PPP3R1: variants seen among roughly 807,000 people sequenced by gnomAD.
The protein encoded by PPP3R1 is protein phosphatase 3 regulatory subunit B, alpha.
Under a neutral mutation model 22.6 loss-of-function variants are expected in PPP3R1, and 5 were observed. That is an observed-to-expected ratio of 0.22 (90% CI 0.12 to 0.46). The LOEUF is 0.46. PPP3R1 is among the 20% of genes least tolerant of loss of function. The pLI, the probability that PPP3R1 is intolerant of heterozygous loss-of-function variation, is 0.99. For synonymous variants in PPP3R1, 56 were observed against 65.2 expected, an observed-to-expected ratio of 0.86 and a Z score of 0.68; for missense variants, 61 against 203.2, an observed-to-expected ratio of 0.30 and a Z score of 4.25.
chr2:68,188,233 T>C lies in PPP3R1; in HGVS notation c.220+281A>G, dbSNP rs544858095. ...CTAATGTATATAAGAATATACAGTA[T>C]TGCCCTAAAGTGAGATTAATTTTCT... On this transcript the variant is annotated intron_variant, in intron 3 of 5. Transcript: ENST00000234310. Among the ~76,000 whole-genome samples the C allele has an allele frequency of 6.6e-5, 10 of 152,264 alleles. No homozygotes were observed. In the South Asian group the frequency reaches 1.2e-3, roughly 19 times the overall value.
intron 2 of PPP3R1, among the ~76,000 whole-genome samples, chr2:68,206,535 CG>C (rs1457224520): frequency 6.6e-6 from 1 of 152,130 alleles, no homozygotes; most frequent in Non-Finnish European, 1.5e-5. Context: ...CTGATGATGT[CG>C]GTAACATATA....
intron 5 of PPP3R1, among the ~76,000 whole-genome samples, chr2:68,183,530 T>C (rs964765961): frequency 1.5e-4 from 23 of 152,188 alleles, no homozygotes; most frequent in Non-Finnish European, 7.3e-5. Flanking sequence ...TTTTTGATTA[T>C]TTATTTCCCT....
rs530343054 is a variant in PPP3R1 at position 68,248,092 on chromosome 2, C to A, written c.3+4033G>T. Among the ~76,000 whole-genome samples the A allele has an allele frequency of 1.2e-3, 184 of 152,234 alleles. 1 individual carries two copies. Among genetic ancestry groups the A allele is most frequent in the African/African-American group, 3.3e-3 (136 of 41,534 alleles). ...AGTGTCAATCCACCAGACACTACCC[C>A]CTTCCTCTCCAGCCACGCTAAACTA... On this transcript the variant is annotated intron_variant, in intron 1 of 5. Transcript: ENST00000234310.
chr2:68,192,584 A>G (rs1423610722), intron 2 of PPP3R1, among the ~76,000 whole-genome samples: 1 of 152,150 alleles, frequency 6.6e-6, no homozygotes, highest in Non-Finnish European at 1.5e-5. Flanking sequence ...AACTCCTCCA[A>G]TCAAGAAGAT....
At chr2:68,210,432 A>G (rs528345851) in intron 2 of PPP3R1, among the ~76,000 whole-genome samples, 2 of 152,344 alleles carry the variant, frequency 1.3e-5, no homozygotes, top group East Asian at 3.9e-4. Context: ...TTGGTCTACC[A>G]AAGTTCTGCC....
At chr2:68,210,179 ATCTATTGGCC>A (rs1210891724) in intron 2 of PPP3R1, among the ~76,000 whole-genome samples, 1 of 152,182 alleles carries the variant, frequency 6.6e-6, no homozygotes, top group African/African-American at 2.4e-5. Flanking sequence ...TCATATCTTA[ATCTATTGGCC>A]TCTATTCCAA....
rs34252774 is a variant in PPP3R1, at chr2:68,186,141, ACT to A, written c.465+325_465+326del. ...ATCCTTGTAACACATCAAAAAGCCTACTCTCTGTTTTTAGGGCATAAGTAGAG... is the reference window on the plus strand; with the variant it reads ...ATCCTTGTAACACATCAAAAAGCCTACTCTGTTTTTAGGGCATAAGTAGAG... On this transcript the variant is annotated intron_variant, in intron 5 of 5. Transcript: ENST00000234310. Among the ~76,000 whole-genome samples the A allele has an allele frequency of 3.9e-4, 60 of 152,080 alleles. 1 individual carries two copies. In the East Asian group the frequency reaches 0.01, roughly 26 times the overall value.
chr2:68,207,325 G>C (rs1315565577), intron 2 of PPP3R1, among the ~76,000 whole-genome samples: 1 of 151,788 alleles, frequency 6.6e-6, no homozygotes, highest in Admixed American at 6.6e-5. Context: ...GCTGAACAAT[G>C]ACAAGTATAG....
chr2:68,229,965 T>TACACACAGACACACACACACAC (rs1157191768), intron 1 of PPP3R1, among the ~76,000 whole-genome samples: 1 of 49,494 alleles, frequency 2.0e-5, no homozygotes, highest in African/African-American at 1.1e-4. Flanking sequence ...TGTGTATATA[T>TACACACAGACACACACACACAC]ACACACATAC....
At chr2:68,198,435 G>A (rs1196518405) in intron 2 of PPP3R1, among the ~76,000 whole-genome samples, 3 of 74,944 alleles carry the variant, frequency 4.0e-5, no homozygotes, top group Non-Finnish European at 8.3e-5. Flanking sequence ...GTATATATGC[G>A]TGTGTATATA....
At chr2:68,199,028 A>G (rs992528970) in intron 2 of PPP3R1, among the ~76,000 whole-genome samples, 1 of 152,134 alleles carries the variant, frequency 6.6e-6, no homozygotes, top group Non-Finnish European at 1.5e-5. Flanking sequence ...CAGTGGCACG[A>G]TCTTGGCTCA....
chr2:68,238,841 C>T (rs745404728), intron 1 of PPP3R1, among the ~76,000 whole-genome samples: 4 of 151,888 alleles, frequency 2.6e-5, no homozygotes, highest in Non-Finnish European at 5.9e-5. Context: ...TATTTATGTC[C>T]CTGAAAAAAA....
chr2:68,204,620 T>A (rs1191155930), intron 2 of PPP3R1, among the ~76,000 whole-genome samples: 3 of 152,130 alleles, frequency 2.0e-5, no homozygotes, highest in Non-Finnish European at 4.4e-5. Context: ...ATTGTGCCCC[T>A]CTCCTGAGGC....
At position 68,180,879 on chromosome 2, in the gene PPP3R1, C is replaced by G; in HGVS notation, c.*84G>C. The G allele has an allele frequency of 8.8e-6, 12 of 1,356,214 alleles. No homozygotes were observed. The highest frequency in any genetic ancestry group is 2.4e-5 in the South Asian group (2 of 81,686). The allele number at this position is 1,356,214 out of a possible 1,614,324, so 84.0% of individuals were successfully genotyped here. ...AGAAAAATACTTCCATTTAAATACA[C>G]AGAGAGCATTGCTGGACGTCTTGAG... On this transcript the variant is annotated 3_prime_UTR_variant, in exon 6 of 6. Coordinates refer to ENST00000234310, the MANE Select transcript of PPP3R1 (RefSeq NM_000945.4).
At position 68,231,101 on chromosome 2, in the gene PPP3R1, T is replaced by C. The variant is rs147154912; in HGVS notation, c.4-13970A>G. Among the ~76,000 whole-genome samples, 33 of 152,332 alleles carry C rather than the reference T, an allele frequency of 2.2e-4. No homozygotes were observed. In the East Asian group the frequency reaches 5.2e-3, roughly 24 times the overall value. ...CCTGCCCTCTCTCTTCCTCTCCTTC[T>C]GTGACTCTAACGACACAAGTGTTAA... On this transcript the variant is annotated intron_variant, in intron 1 of 5. Coordinates refer to ENST00000234310, the MANE Select transcript of PPP3R1 (RefSeq NM_000945.4).
At chr2:68,218,107 C>T (rs189854215) in intron 1 of PPP3R1, among the ~76,000 whole-genome samples, 35 of 152,204 alleles carry the variant, frequency 2.3e-4, no homozygotes, top group Non-Finnish European at 2.5e-4. Flanking sequence ...AAATTGAATA[C>T]GAAGCATCCT....
intron 1 of PPP3R1, among the ~76,000 whole-genome samples, chr2:68,244,760 CA>C (rs796085897): frequency 6.1e-5 from 9 of 147,360 alleles, no homozygotes; most frequent in South Asian, 2.1e-4. Context: ...ATAAATGTCT[CA>C]AAAAAAAAAG....
intron 5 of PPP3R1, among the ~76,000 whole-genome samples, chr2:68,181,910 TGTA>T (rs1375759759): frequency 2.0e-5 from 3 of 152,218 alleles, no homozygotes; most frequent in South Asian, 4.2e-4. Context: ...AATGTGTAAG[TGTA>T]GTATCTGTAT....
chr2:68,187,686 TTC>T (rs1188318899), intron 3 of PPP3R1, among the ~76,000 whole-genome samples: 1 of 152,212 alleles, frequency 6.6e-6, no homozygotes, highest in Non-Finnish European at 1.5e-5. Flanking sequence ...AACTTTAGCC[TTC>T]TGTTTCAAAA....
Sources: gnomAD v4.1 joint callset for allele counts (sites outside exome capture counted in the v4.1 genomes callset) on GRCh38, gnomAD v4.1.1 for gene constraint, MANE v1.5 for transcripts, NCBI Gene and HGNC (gene_info 2026-07-23, HGNC 2026-07-21) for gene names.